Variants in RTN4 observed in about 807,000 individuals in gnomAD.
The protein encoded by RTN4 is reticulon-4.
RTN4 carries 32 observed loss-of-function variants against 90.4 expected under a neutral mutation model. The ratio of observed to expected loss-of-function variants is 0.35; its 90% CI spans 0.27 to 0.48. RTN4 has a LOEUF of 0.48. Among genes scored for constraint, RTN4 ranks in the 20% least tolerant of loss-of-function variants. RTN4 has a pLI of 0.99. For missense variants in RTN4, 1,706 were observed against 1,430.2 expected (o/e 1.19, Z -3.11); for synonymous variants, 629 against 552.5 (o/e 1.14, Z -1.94).
chr2:55,011,530 C>T (rs1370713415), intron 3 of RTN4, among the ~76,000 whole-genome samples: 1 of 152,084 alleles, frequency 6.6e-6, no homozygotes, highest in Non-Finnish European at 1.5e-5. Context: ...TGCGAAAATA[C>T]TATAAGATAC....
chr2:55,037,342 C>T (rs1238319801), intron 1 of RTN4, among the ~76,000 whole-genome samples: 1 of 152,168 alleles, frequency 6.6e-6, no homozygotes, highest in Non-Finnish European at 1.5e-5. Context: ...CCCTTTGTTC[C>T]TATCTTTTAA....
intron 3 of RTN4, among the ~76,000 whole-genome samples, chr2:55,009,360 A>T (rs1362698642): frequency 1.3e-5 from 2 of 152,172 alleles, no homozygotes; most frequent in Non-Finnish European, 2.9e-5. Context: ...ATAATAAAAT[A>T]TTCTTTAAAT....
chr2:55,031,284 T>A (rs561210083), intron 1 of RTN4, among the ~76,000 whole-genome samples: 1 of 152,184 alleles, frequency 6.6e-6, no homozygotes, highest in African/African-American at 2.4e-5. Flanking sequence ...ACCTGCAAGA[T>A]GACTACGCTG....
chr2:54,981,153 C>T (rs1489847034), intron 5 of RTN4, among the ~76,000 whole-genome samples: 8 of 152,088 alleles, frequency 5.3e-5, no homozygotes, highest in Non-Finnish European at 1.5e-5. Context: ...TAGGAAGTAA[C>T]TTAAGTTCCA....
upstream of RTN4, among the ~76,000 whole-genome samples, chr2:55,114,091 C>A (rs1668082129): frequency 6.6e-6 from 1 of 152,158 alleles, no homozygotes; most frequent in Non-Finnish European, 1.5e-5. Flanking sequence ...GCTAAATATA[C>A]AATTTATCGG....
chr2:55,050,051 C>G lies in RTN4; in HGVS notation c.250G>C (p.Asp84His). The G allele has an allele frequency of 7.0e-7, 1 of 1,418,574 alleles. No homozygotes were observed. Among genetic ancestry groups the G allele is most frequent in the Middle Eastern group, 2.1e-4 (1 of 4,664 alleles). 87.9% of individuals were successfully genotyped at this position (1,418,574 alleles called of 1,614,324 possible). Residue 84 changes from aspartate to histidine, a missense_variant, in exon 1 of 9, where the codon GAC (aspartate) becomes CAC (histidine). Asp to His is a moderately conservative substitution (Grantham distance 81). Transcript: ENST00000337526. The surrounding 1 kb of genome is among the most constrained non-coding windows in gnomAD (Gnocchi z 4.6). ...CCCCGGGGCGCCGGCGGCACGAAGT[C>G]ATTTCCGAAGTCCATCAGGGGCGCG... ...AGAPLMDFGN[D>H]FVPPAPRGPL...
At chr2:55,004,817 G>A (rs1344927069) in intron 3 of RTN4, among the ~76,000 whole-genome samples, 1 of 151,998 alleles carries the variant, frequency 6.6e-6, no homozygotes, top group Admixed American at 6.6e-5. Context: ...AATTGTAATA[G>A]AAAGTACAAA....
chr2:55,129,816 C>G, the RTN4 span, among the ~76,000 whole-genome samples: 1 of 152,174 alleles, frequency 6.6e-6, no homozygotes, highest in Non-Finnish European at 1.5e-5. Flanking sequence ...CTGCCTCGGA[C>G]TCCCAAAGTG....
intron 1 of RTN4, among the ~76,000 whole-genome samples, chr2:55,102,289 T>C: frequency 6.6e-6 from 1 of 152,140 alleles, no homozygotes; most frequent in East Asian, 1.9e-4. Flanking sequence ...GTATATAAAC[T>C]ACTACTTTAG....
At chr2:55,036,557 G>A (rs187661226) in intron 1 of RTN4, among the ~76,000 whole-genome samples, 243 of 131,234 alleles carry the variant, frequency 1.9e-3, no homozygotes, top group African/African-American at 6.5e-3. Flanking sequence ...AGCCAATATC[G>A]TGCCACTGCA....
chr2:55,059,623 C>G (rs1179971959), intron 2 of RTN4, among the ~76,000 whole-genome samples: 3 of 151,976 alleles, frequency 2.0e-5, no homozygotes, highest in African/African-American at 7.2e-5. Flanking sequence ...CGCTTGAGGT[C>G]AGGAGTTCGA....
At position 55,027,241 on chromosome 2, in the gene RTN4, A is replaced by G; in HGVS notation, c.858T>C (p.Asp286=). 4 of 1,613,748 alleles carry G rather than the reference A, an allele frequency of 2.5e-6. No homozygotes were observed. Among genetic ancestry groups the G allele is most frequent in the South Asian group, 1.1e-5 (1 of 91,070 alleles). The stretch of plus-strand genomic sequence containing the variant: ...ATTCTGAAAACTCTGTTAAATCTCT[A>G]TCTATGAGTAGAGTTTTTGCCTTCT... ...VSEKAKTLLI[D]RDLTEFSELE... The change falls in exon 3 of 9, where the codon GAT becomes GAC. Residue 286 remains aspartate (D), a synonymous_variant. Transcript: ENST00000337526.
At chr2:55,091,836 G>A (rs111470937) in intron 1 of RTN4, among the ~76,000 whole-genome samples, 10,034 of 57,536 alleles carry the variant, frequency 0.17, 489 homozygotes, top group Admixed American at 0.33. Flanking sequence ...ACATGGCAGC[G>A]GCAAGAGAAA....
intron 5 of RTN4, among the ~76,000 whole-genome samples, chr2:54,977,895 G>A (rs147752116): frequency 7.3e-4 from 111 of 152,028 alleles, no homozygotes; most frequent in Non-Finnish European, 1.3e-3. Context: ...ATTTTTATTC[G>A]CCCAAGTCAA....
chr2:55,063,667 G>A (rs558936943), intron 2 of RTN4, among the ~76,000 whole-genome samples: 1 of 152,064 alleles, frequency 6.6e-6, no homozygotes, highest in South Asian at 2.1e-4. Context: ...GATCACCTGA[G>A]GTCAGCAGTT....
Position 55,050,072 on chromosome 2 carries a change from G to C in RTN4, c.229C>G (p.Pro77Ala), listed in dbSNP as rs72912589. ...PVPTAPAAGA[P>A]LMDFGNDFVP... ...AAGTCATTTCCGAAGTCCATCAGGG[G>C]CGCGCCGGCGGCAGGGGCGGTGGGC... The change falls in exon 1 of 9, where the codon CCC becomes GCC. Residue 77 changes from proline to alanine, a missense_variant. Physicochemically the swap from Pro to Ala is conservative, Grantham distance 27 (BLOSUM62 -1). Coordinates refer to ENST00000337526, the MANE Select transcript of RTN4 (RefSeq NM_020532.5). This position sits in a 1 kb window ranked among gnomAD's most constrained non-coding sequence, Gnocchi z 4.6. The C allele has an allele frequency of 3.6e-3, 5,226 of 1,448,878 alleles. 162 individuals are homozygous for C. The African/African-American group carries it at 0.069, about 19-fold the overall frequency. 89.8% of individuals were successfully genotyped at this position (1,448,878 alleles called of 1,614,324 possible). A position where few individuals can be genotyped will look rare whatever the true frequency, so the allele number is the denominator to read the frequency against.
intron 2 of RTN4, among the ~76,000 whole-genome samples, chr2:55,070,901 C>G (rs925057724): frequency 6.6e-6 from 1 of 151,730 alleles, no homozygotes. Context: ...CTCAGCCTCC[C>G]GAGTAGCTGG....
chr2:54,991,135 A>T (rs1456274495), intron 3 of RTN4, among the ~76,000 whole-genome samples: 1 of 152,134 alleles, frequency 6.6e-6, no homozygotes, highest in East Asian at 1.9e-4. Flanking sequence ...GTGGTTCTCA[A>T]ACTGCTCAGA....
At chr2:55,081,796 CA>C (rs1371543643) in intron 1 of RTN4, among the ~76,000 whole-genome samples, 2 of 139,854 alleles carry the variant, frequency 1.4e-5, no homozygotes, top group African/African-American at 5.4e-5. Context: ...CTGGCAGGTG[CA>C]GGTTGCATTG....
Sources: allele counts gnomAD v4.1 joint callset (sites outside exome capture counted in the v4.1 genomes callset), GRCh38; gene constraint gnomAD v4.1.1; non-coding constraint Gnocchi (gnomAD v3.1); transcripts MANE v1.5; gene names NCBI Gene and HGNC (gene_info 2026-07-23, HGNC 2026-07-21).